The following ARHGAP39 variants were observed in gnomAD, a reference collection of about 807,000 sequenced individuals.
ARHGAP39 encodes rho GTPase-activating protein 39.
In ARHGAP39, 44 loss-of-function variants were observed where a neutral mutation model predicts 106.9. The ratio of observed to expected loss-of-function variants is 0.41; its 90% CI spans 0.32 to 0.53. The LOEUF (loss-of-function observed/expected upper bound fraction) is 0.53, where lower values mean the gene tolerates loss of function less well. ARHGAP39 is among the 20% of genes least tolerant of loss of function. The pLI is 0.21. For synonymous variants in ARHGAP39, 768 were observed against 693.2 expected (o/e 1.11, Z -1.69); for missense variants, 1,496 against 1,577.3 (o/e 0.95, Z 0.87).
At position 144,547,918 on chromosome 8, in the gene ARHGAP39, C is replaced by T; in HGVS notation, c.1168G>A (p.Ala390Thr). The T allele has an allele frequency of 1.3e-6, 2 of 1,585,144 alleles. No individual in the cohort carries two copies. Among genetic ancestry groups the T allele is most frequent in the South Asian group, 2.3e-5 (2 of 88,128 alleles). The change falls in exon 5 of 12, where the codon GCC (alanine) becomes ACC (threonine). Residue 390 changes from alanine (A) to threonine (T), a missense_variant. By Grantham distance (58) the Ala-to-Thr change is moderately conservative. Around this residue, in one of 4 missense-constraint regions of ARHGAP39, gnomAD observed 905 missense variants for 816.4 expected, o/e 1.11. Coordinates refer to ENST00000377307, the MANE Select transcript of ARHGAP39 (RefSeq NM_025251.3). This position sits in a 1 kb window ranked among gnomAD's most constrained non-coding sequence, Gnocchi z 5.2. ...ERFLSLEYSP[A>T]GKEYVRQLVY... Reference sequence around the variant, plus strand: ...AGCTGCCGCACGTACTCCTTGCCGGCGGGACTGTACTCCAGGCTCAGGAAG... The same window carrying T: ...AGCTGCCGCACGTACTCCTTGCCGGTGGGACTGTACTCCAGGCTCAGGAAG...
In ARHGAP39 at chr8:144,581,052, CG is replaced by C; in HGVS notation, c.305del (p.Pro102ArgfsTer8). 1.3e-6 allele frequency: 2 copies of C among 1,584,204 alleles called. No homozygotes were observed. The highest frequency in any genetic ancestry group is 1.7e-6 in the Non-Finnish European group (2 of 1,165,622). On this transcript the variant is annotated frameshift_variant, in exon 3 of 12. Coordinates refer to ENST00000377307, the MANE Select transcript of ARHGAP39 (RefSeq NM_025251.3). LOFTEE classifies it high-confidence loss of function. ...WHRPQGCDII[P>X]LAKLQTLKQN... The stretch of plus-strand genomic sequence containing the variant: ...GCTTCAGCGTCTGCAGCTTGGCCAG[CG>C]GGATGATGTCGCAGCCCTGCGGCCG...
chr8:144,662,814 C>T (rs1821866633), intron 1 of ARHGAP39, among the ~76,000 whole-genome samples: 3 of 149,926 alleles, frequency 2.0e-5, no homozygotes, highest in African/African-American at 4.9e-5. Context: ...GGGCCACTCC[C>T]CCCATCCCCA....
Position 144,604,990 on chromosome 8 carries a change from A to G in ARHGAP39, c.80+545T>C, listed in dbSNP as rs1820228734. ...AAAAGCCTAGAAATCAGGGCAGAGC[A>G]GTGGCTCACGTCTGTGATCCTGGCA... is the stretch of plus-strand genomic sequence containing the variant. On this transcript the variant is annotated intron_variant, in intron 2 of 11. Transcript: ENST00000377307. This position sits in a 1 kb window ranked among gnomAD's most constrained non-coding sequence, Gnocchi z 4.1. 6.6e-6 allele frequency among the ~76,000 whole-genome samples: 1 copy of G among 152,238 alleles called. No homozygotes were observed.
Position 144,533,344 on chromosome 8 carries a change from C to A in ARHGAP39, c.2689-19G>T, listed in dbSNP as rs201878237. The A allele has an allele frequency of 6.2e-7, 1 of 1,607,380 alleles. No individual in the cohort carries two copies. Among genetic ancestry groups the A allele is most frequent in the Non-Finnish European group, 8.5e-7 (1 of 1,176,198 alleles). On this transcript the variant is annotated intron_variant, in intron 8 of 11. Transcript: ENST00000377307. ...TCAGCCCCTGTGAAGACAGAGGCTC[C>A]GTCCTGGTCTGGCCTGGCCATCCTC...
intron 2 of ARHGAP39, among the ~76,000 whole-genome samples, chr8:144,602,210 T>C (rs1820022112): frequency 7.5e-6 from 1 of 133,504 alleles, no homozygotes; most frequent in Admixed American, 7.7e-5. Context: ...GAGGCGTGCG[T>C]GCGAGCTCGT....
At chr8:144,537,881 C>A in intron 6 of ARHGAP39, 68 bp from the exon 7 acceptor site, 1 of 1,441,676 alleles carries the variant, frequency 6.9e-7, no homozygotes, top group South Asian at 1.2e-5. Context: ...ACTCAGCTCC[C>A]GCACTTGGCT....
rs1408205436 is a variant in ARHGAP39, at chr8:144,645,774, C to T, written c.-82+39912G>A. ...GCAGAGGTTTATTTTGTGTGGAATC[C>T]CAACACTAAGGAAAGTCATAACCAA... On this transcript the variant is annotated intron_variant, in intron 1 of 11. Transcript: ENST00000377307. This position sits in a 1 kb window ranked among gnomAD's most constrained non-coding sequence, Gnocchi z 4.4. 6.6e-6 allele frequency among the ~76,000 whole-genome samples: 1 copy of T among 152,200 alleles called. No homozygotes were observed. The highest frequency in any genetic ancestry group is 2.4e-5 in the African/African-American group (1 of 41,440).
In ARHGAP39 at chr8:144,550,544, G is replaced by A. The variant is rs575213598; in HGVS notation, c.597-2055C>T. 9.9e-4 allele frequency among the ~76,000 whole-genome samples: 151 copies of A among 152,368 alleles called. 1 individual carries two copies. The highest frequency in any genetic ancestry group is 6.8e-3 in the Middle Eastern group (2 of 294). The stretch of plus-strand genomic sequence containing the variant: ...GACAAGGCCACATTCCCCATTGCCT[G>A]GGGGGTTGGTGAGGCAAGGCCAGGA... On this transcript the variant is annotated intron_variant, in intron 4 of 11. Transcript: ENST00000377307.
Position 144,684,450 on chromosome 8 carries a change from G to A in ARHGAP39, c.-82+1236C>T, listed in dbSNP as rs1349422798. Among the ~76,000 whole-genome samples, 6 of 152,176 alleles carry A rather than the reference G, an allele frequency of 3.9e-5. No homozygotes were observed. The East Asian group carries it at 1.2e-3, about 29-fold the overall frequency. On this transcript the variant is annotated intron_variant, in intron 1 of 11. Transcript: ENST00000377307. This position sits in a 1 kb window ranked among gnomAD's most constrained non-coding sequence, Gnocchi z 4.4. ...AATCTCCGTATTGTTGTACCAGGAG[G>A]CACGAGAAGCCTCACCACTGTAGGT... is the stretch of plus-strand genomic sequence containing the variant.
In ARHGAP39 at chr8:144,555,477, G is replaced by A. The variant is rs1817880942; in HGVS notation, c.596+83C>T. On this transcript the variant is annotated intron_variant, in intron 4 of 11. Coordinates refer to ENST00000377307, the MANE Select transcript of ARHGAP39 (RefSeq NM_025251.3). ...CTGTGGTGTTGCTGCTACGCGCCAGGCACCTCCCACTTGCAGTTAGCCTGG... is the reference window on the plus strand; with the variant it reads ...CTGTGGTGTTGCTGCTACGCGCCAGACACCTCCCACTTGCAGTTAGCCTGG... 3 of 1,206,748 alleles carry A rather than the reference G, an allele frequency of 2.5e-6. No individual in the cohort carries two copies. The South Asian group carries it at 3.6e-5, about 15-fold the overall frequency. 74.8% of individuals were successfully genotyped at this position (1,206,748 alleles called of 1,614,324 possible). A position where few individuals can be genotyped will look rare whatever the true frequency, so the allele number is the denominator to read the frequency against.
the ARHGAP39 span, among the ~76,000 whole-genome samples, chr8:144,696,014 TTAAAG>T: frequency 6.6e-6 from 1 of 152,064 alleles, no homozygotes; most frequent in African/African-American, 2.4e-5. Flanking sequence ...GGCTAGGTGA[TTAAAG>T]GAAAGAGGGA....
chr8:144,534,080 GTC>G lies in ARHGAP39; in HGVS notation c.2688+47_2688+48del, dbSNP rs774896187. ...GGGCTCCTGGGGCTGTCCACCAAGGGTCTCTGTGTCCCCGCCTGCCCTCCCCG... is the reference window on the plus strand; with the variant it reads ...GGGCTCCTGGGGCTGTCCACCAAGGGTCTGTGTCCCCGCCTGCCCTCCCCG... On this transcript the variant is annotated intron_variant, in intron 8 of 11. Coordinates refer to ENST00000377307, the MANE Select transcript of ARHGAP39 (RefSeq NM_025251.3). 4 of 1,599,198 alleles carry G rather than the reference GTC, an allele frequency of 2.5e-6. No individual in the cohort carries two copies. In the African/African-American group the frequency reaches 4.0e-5, roughly 16 times the overall value.
intron 2 of ARHGAP39, among the ~76,000 whole-genome samples, chr8:144,592,875 G>A (rs557354145): frequency 1.3e-5 from 2 of 152,324 alleles, no homozygotes; most frequent in South Asian, 4.1e-4. Flanking sequence ...GGCTGGCTCT[G>A]CACAGGGCGA....
chr8:144,548,249 G>C lies in ARHGAP39; in HGVS notation c.837C>G (p.Ala279=). 1 of 1,608,386 alleles carries C rather than the reference G, an allele frequency of 6.2e-7. No homozygotes were observed. The highest frequency in any genetic ancestry group is 8.5e-7 in the Non-Finnish European group (1 of 1,177,516). ...ERRPSPFLKR[A]ELPGSSSPLL... ...GCGGGGAGCTGCTCCCTGGGAGCTC[G>C]GCCCTCTTCAGGAAGGGTGACGGCC... is the stretch of plus-strand genomic sequence containing the variant. The change falls in exon 5 of 12, where the codon GCC becomes GCG. Residue 279 remains alanine, a synonymous_variant. Transcript: ENST00000377307. This position sits in a 1 kb window ranked among gnomAD's most constrained non-coding sequence, Gnocchi z 7.4.
At chr8:144,650,061 T>C (rs566071903) in intron 1 of ARHGAP39, among the ~76,000 whole-genome samples, 132 of 151,836 alleles carry the variant, frequency 8.7e-4, no homozygotes, top group African/African-American at 2.8e-3. Context: ...GAGAATTTCT[T>C]GAACCCAGGA....
chr8:144,677,925 A>G (rs1822284524), intron 1 of ARHGAP39, among the ~76,000 whole-genome samples: 1 of 152,234 alleles, frequency 6.6e-6, no homozygotes, highest in Non-Finnish European at 1.5e-5. Flanking sequence ...CAAGACATTT[A>G]CACTTAGGAA....
Position 144,547,899 on chromosome 8 carries a change from C to T in ARHGAP39, c.1187G>A (p.Arg396Gln), listed in dbSNP as rs1346234374. The part of the protein sequence containing the change: ...EYSPAGKEYV[R>Q]QLVYVEQAGS... ...CGCCTGCTCCACGTAGACCAGCTGC[C>T]GCACGTACTCCTTGCCGGCGGGACT... Residue 396 changes from arginine to glutamine, a missense_variant, in exon 5 of 12, where the codon CGG becomes CAG. Physicochemically the swap from Arg to Gln is conservative, Grantham distance 43. Around this residue, in one of 4 missense-constraint regions of ARHGAP39, gnomAD observed 905 missense variants for 816.4 expected, o/e 1.11. Coordinates refer to ENST00000377307, the MANE Select transcript of ARHGAP39 (RefSeq NM_025251.3). This position sits in a 1 kb window ranked among gnomAD's most constrained non-coding sequence, Gnocchi z 5.2. 3.8e-6 allele frequency: 6 copies of T among 1,583,128 alleles called. No individual in the cohort carries two copies. Among genetic ancestry groups the T allele is most frequent in the South Asian group, 1.1e-5 (1 of 87,782 alleles).
intron 7 of ARHGAP39, 31 bp downstream of exon 7, chr8:144,537,690 C>A: frequency 6.2e-7 from 1 of 1,602,278 alleles, no homozygotes; most frequent in Non-Finnish European, 8.5e-7. Flanking sequence ...GTGCAGACGC[C>A]GCGCCCAGGG....
At chr8:144,550,920 C>T (rs1817666657) in intron 4 of ARHGAP39, among the ~76,000 whole-genome samples, 1 of 152,216 alleles carries the variant, frequency 6.6e-6, no homozygotes, top group Non-Finnish European at 1.5e-5. Context: ...GGCTGCAAGG[C>T]TTGGATTTCA....
Sources: allele counts gnomAD v4.1 joint callset (sites outside exome capture counted in the v4.1 genomes callset), GRCh38; gene constraint gnomAD v4.1.1; regional missense constraint gnomAD v4.1.1; non-coding constraint Gnocchi (gnomAD v3.1); transcripts MANE v1.5; gene names NCBI Gene and HGNC (gene_info 2026-07-23, HGNC 2026-07-21).